The following TAFA1 variants were observed in gnomAD, a reference collection of about 807,000 sequenced individuals.
The protein encoded by TAFA1 is chemokine-like protein TAFA-1.
A neutral mutation model predicts 18.5 loss-of-function variants in TAFA1; 4 were observed. That is an observed-to-expected ratio of 0.22 (90% CI 0.11 to 0.49). TAFA1 has a LOEUF of 0.49. Ranked by LOEUF, TAFA1 falls within the 20% of genes least tolerant of loss-of-function variation. The probability of loss-of-function intolerance (pLI) is 0.98; values close to 1 mark genes in which losing one functional copy is unlikely to be tolerated. For missense variants in TAFA1, 147 were observed against 169.0 expected (o/e 0.87, Z 0.72); for synonymous variants, 56 against 55.2 (o/e 1.01, Z -0.06).
chr3:68,167,124 G>C (rs2065991719), intron 2 of TAFA1, among the ~76,000 whole-genome samples: 1 of 152,108 alleles, frequency 6.6e-6, no homozygotes, highest in African/African-American at 2.4e-5. Flanking sequence ...AGTCTCCCAA[G>C]GTCACTTGGC....
At chr3:68,138,035 G>A (rs1181109708) in intron 2 of TAFA1, among the ~76,000 whole-genome samples, 2 of 151,228 alleles carry the variant, frequency 1.3e-5, no homozygotes, top group African/African-American at 4.9e-5. Context: ...CCGAAAATTA[G>A]GGCAAAGAAT....
At chr3:68,167,017 AG>A (rs1199211236) in intron 2 of TAFA1, among the ~76,000 whole-genome samples, 2 of 152,176 alleles carry the variant, frequency 1.3e-5, no homozygotes, top group Non-Finnish European at 2.9e-5. Flanking sequence ...AGGTTTATAA[AG>A]GTTTTGCAAA....
intron 2 of TAFA1, among the ~76,000 whole-genome samples, chr3:68,308,392 T>C (rs2068456824): frequency 6.6e-6 from 1 of 152,196 alleles, no homozygotes; most frequent in Non-Finnish European, 1.5e-5. Context: ...ATTTCTTCCC[T>C]ATACTACCTG....
chr3:68,025,341 C>T (rs1459781491), intron 2 of TAFA1, among the ~76,000 whole-genome samples: 2 of 152,170 alleles, frequency 1.3e-5, no homozygotes, highest in African/African-American at 4.8e-5. Context: ...CTGGGCCGAG[C>T]CACAACTTCC....
intron 2 of TAFA1, among the ~76,000 whole-genome samples, chr3:68,400,831 T>C (rs1559652687): frequency 6.6e-6 from 1 of 152,172 alleles, no homozygotes; most frequent in Admixed American, 6.6e-5. Context: ...ATGTCGGGAA[T>C]GTGCAATCTT....
At chr3:68,106,330 G>T (rs756576856) in intron 2 of TAFA1, among the ~76,000 whole-genome samples, 1 of 152,070 alleles carries the variant, frequency 6.6e-6, no homozygotes, top group Non-Finnish European at 1.5e-5. Context: ...AGTGATCAGC[G>T]GCTGTTCTGT....
At chr3:68,509,124 G>A (rs999121644) in intron 3 of TAFA1, among the ~76,000 whole-genome samples, 5 of 152,110 alleles carry the variant, frequency 3.3e-5, no homozygotes, top group African/African-American at 1.2e-4. Context: ...TATTCATTGA[G>A]CACTTGGTAA....
At chr3:68,174,621 G>A (rs111602680) in intron 2 of TAFA1, among the ~76,000 whole-genome samples, 7,001 of 152,194 alleles carry the variant, frequency 0.046, 188 homozygotes, top group East Asian at 0.098. Context: ...TGTATCTGGC[G>A]GAAGAAATTT....
chr3:68,014,685 G>T (rs952037705), intron 2 of TAFA1, among the ~76,000 whole-genome samples: 4 of 152,076 alleles, frequency 2.6e-5, no homozygotes, highest in African/African-American at 7.2e-5. Flanking sequence ...TGACATAGCA[G>T]GATTCAAAAT....
At chr3:68,512,963 G>A (rs143577799) in intron 3 of TAFA1, among the ~76,000 whole-genome samples, 42 of 152,164 alleles carry the variant, frequency 2.8e-4, no homozygotes, top group African/African-American at 9.4e-4. Context: ...TTCAACAACC[G>A]TGCAAAGTGG....
the TAFA1 span, among the ~76,000 whole-genome samples, chr3:67,997,982 GAA>G: frequency 6.8e-6 from 1 of 148,140 alleles, no homozygotes; most frequent in Non-Finnish European, 1.5e-5. Context: ...ATATTTTGAG[GAA>G]AAAATAATAA....
intron 3 of TAFA1, among the ~76,000 whole-genome samples, chr3:68,430,435 T>C (rs561891790): frequency 2.6e-5 from 4 of 152,124 alleles, no homozygotes; most frequent in African/African-American, 9.6e-5. Flanking sequence ...AATAGTGTAG[T>C]AATTAAGCTG....
intron 2 of TAFA1, among the ~76,000 whole-genome samples, chr3:68,175,622 G>C (rs1009868523): frequency 6.6e-6 from 1 of 152,112 alleles, no homozygotes; most frequent in Non-Finnish European, 1.5e-5. Flanking sequence ...TTTACCCAAC[G>C]CCTGTTTACC....
At chr3:68,105,254 G>T (rs1326443170) in intron 2 of TAFA1, among the ~76,000 whole-genome samples, 3 of 152,008 alleles carry the variant, frequency 2.0e-5, no homozygotes, top group Non-Finnish European at 4.4e-5. Context: ...GATTTGGAGG[G>T]GACATTCAAA....
At chr3:68,217,083 G>T (rs956981313) in intron 2 of TAFA1, among the ~76,000 whole-genome samples, 2 of 152,050 alleles carry the variant, frequency 1.3e-5, no homozygotes, top group South Asian at 4.1e-4. Flanking sequence ...ATGGAAAAGT[G>T]AGTGAGGGGA....
intron 2 of TAFA1, among the ~76,000 whole-genome samples, chr3:68,109,754 T>A (rs2065243251): frequency 2.0e-5 from 3 of 152,098 alleles, no homozygotes; most frequent in African/African-American, 7.2e-5. Flanking sequence ...AAGGAACTAA[T>A]TTGGTTTATT....
intron 2 of TAFA1, among the ~76,000 whole-genome samples, chr3:68,131,110 G>A (rs112579309): frequency 0.027 from 4,134 of 152,266 alleles, 177 homozygotes; most frequent in Admixed American, 0.13. Flanking sequence ...AGGAATGAGT[G>A]AATTGGTGAG....
At chr3:68,510,628 C>T (rs2072830889) in intron 3 of TAFA1, among the ~76,000 whole-genome samples, 1 of 152,046 alleles carries the variant, frequency 6.6e-6, no homozygotes, top group Non-Finnish European at 1.5e-5. Context: ...TATATTGCAT[C>T]TAAAACTTAG....
chr3:67,999,913 T>C (rs1972968), upstream of TAFA1, among the ~76,000 whole-genome samples: 113,518 of 151,648 alleles, frequency 0.75, 43,464 homozygotes, highest in South Asian at 0.87. Flanking sequence ...TTCAGCCTCC[T>C]GAGTAGTTGG....
Sources: gnomAD v4.1 joint callset for allele counts (sites outside exome capture counted in the v4.1 genomes callset) on GRCh38, gnomAD v4.1.1 for gene constraint, MANE v1.5 for transcripts, NCBI Gene and HGNC (gene_info 2026-07-23, HGNC 2026-07-21) for gene names.